The following FAM117B variants were observed in gnomAD, a reference collection of about 807,000 sequenced individuals.
FAM117B encodes family with sequence similarity 117 member B.
In FAM117B, 22 loss-of-function variants were observed where a neutral mutation model predicts 52.8. The ratio of observed to expected loss-of-function variants is 0.42; its 90% CI spans 0.30 to 0.59. The LOEUF (loss-of-function observed/expected upper bound fraction) is 0.59, where lower values mean the gene tolerates loss of function less well. FAM117B is among the 20% of genes least tolerant of loss of function. The pLI is 0.22. For synonymous variants in FAM117B, 309 were observed against 324.1 expected, an observed-to-expected ratio of 0.95 and a Z score of 0.50; for missense variants, 678 against 802.6, an observed-to-expected ratio of 0.84 and a Z score of 1.88.
At chr2:202,668,135 T>C (rs924317954) in intron 1 of FAM117B, among the ~76,000 whole-genome samples, 3 of 140,416 alleles carry the variant, frequency 2.1e-5, no homozygotes, top group African/African-American at 8.5e-5. Flanking sequence ...ATATATATTT[T>C]ATAAAAATAT....
intron 6 of FAM117B, among the ~76,000 whole-genome samples, chr2:202,758,865 T>G (rs576432022): frequency 1.6e-4 from 24 of 152,276 alleles, no homozygotes; most frequent in African/African-American, 4.3e-4. Flanking sequence ...AACTGAGAAA[T>G]TTTGAAGCAC....
At chr2:202,715,232 C>T (rs1280619975) in intron 2 of FAM117B, among the ~76,000 whole-genome samples, 10 of 142,632 alleles carry the variant, frequency 7.0e-5, no homozygotes, top group Middle Eastern at 4.0e-3. Context: ...CCCTCCCGGA[C>T]GGGGCGGCTG....
chr2:202,744,431 A>G (rs1229164564), intron 4 of FAM117B, among the ~76,000 whole-genome samples: 2 of 152,186 alleles, frequency 1.3e-5, no homozygotes, highest in Non-Finnish European at 2.9e-5. Context: ...GTATTAATCT[A>G]TTCATGAGAA....
At chr2:202,641,379 G>C (rs747556001) in intron 1 of FAM117B, among the ~76,000 whole-genome samples, 1 of 152,136 alleles carries the variant, frequency 6.6e-6, no homozygotes, top group Non-Finnish European at 1.5e-5. Flanking sequence ...AGGGAGAGAC[G>C]TAAGTTTTCA....
intron 2 of FAM117B, among the ~76,000 whole-genome samples, chr2:202,722,896 G>C (rs1481388989): frequency 6.6e-6 from 1 of 151,884 alleles, no homozygotes; most frequent in African/African-American, 2.4e-5. Context: ...TTTTGATTTT[G>C]GTTTTTGATT....
intron 7 of FAM117B, among the ~76,000 whole-genome samples, chr2:202,762,311 G>A (rs1395023925): frequency 6.6e-6 from 1 of 152,118 alleles, no homozygotes; most frequent in Non-Finnish European, 1.5e-5. Flanking sequence ...AAAATAGGTG[G>A]TTGGATTTGG....
In FAM117B at chr2:202,657,490, T is replaced by C. The variant is rs541406911; in HGVS notation, c.601+21702T>C. On this transcript the variant is annotated intron_variant, in intron 1 of 7. Transcript: ENST00000392238. ...TTATTGATATATTTGGATATAGGTG[T>C]GCTGTTTTTTTTTGGAGACAGGGTC... Among the ~76,000 whole-genome samples, 83 of 152,246 alleles carry C rather than the reference T, an allele frequency of 5.5e-4. 1 individual carries two copies. The highest frequency in any genetic ancestry group is 1.8e-3 in the African/African-American group (74 of 41,538).
intron 1 of FAM117B, among the ~76,000 whole-genome samples, chr2:202,643,342 T>C (rs1449758602): frequency 6.6e-6 from 1 of 152,056 alleles, no homozygotes; most frequent in African/African-American, 2.4e-5. Context: ...ATCCAGTACA[T>C]GGTAGAGTCT....
At position 202,716,626 on chromosome 2, in the gene FAM117B, T is replaced by C. The variant is rs192816328; in HGVS notation, c.754-8291T>C. 1.3e-3 allele frequency among the ~76,000 whole-genome samples: 202 copies of C among 152,296 alleles called. 1 individual carries two copies. Among genetic ancestry groups the C allele is most frequent in the Non-Finnish European group, 2.1e-4 (14 of 68,024 alleles). ...ACCCCATCTCTTTCTTTACCTCCCT[T>C]GTAAGGCCTATAACTATTCAGTTTG... On this transcript the variant is annotated intron_variant, in intron 2 of 7. Coordinates refer to ENST00000392238, the MANE Select transcript of FAM117B (RefSeq NM_173511.4).
chr2:202,759,478 A>G, intron 7 of FAM117B, 125 bp downstream of exon 7: 1 of 1,243,442 alleles, frequency 8.0e-7, no homozygotes, highest in Non-Finnish European at 1.1e-6. Flanking sequence ...TGCAACCTCT[A>G]CCTCCTTAGC....
chr2:202,734,665 C>T (rs1458157510), intron 4 of FAM117B, among the ~76,000 whole-genome samples: 1 of 152,124 alleles, frequency 6.6e-6, no homozygotes, highest in African/African-American at 2.4e-5. Context: ...AGTAATATTA[C>T]CTGTTCGTTG....
intron 4 of FAM117B, among the ~76,000 whole-genome samples, chr2:202,741,691 C>G (rs1691543020): frequency 6.6e-6 from 1 of 151,926 alleles, no homozygotes; most frequent in African/African-American, 2.4e-5. Context: ...CGCCCGCCAC[C>G]TCGCCTGACT....
intron 3 of FAM117B, chr2:202,725,299 C>CTTTTTTTTTT (rs11432596): frequency 1.3e-5 from 2 of 148,218 alleles, no homozygotes; most frequent in African/African-American, 2.7e-5. Context: ...CACATTTATT[C>CTTTTTTTTTT]TTTTTTTTTT....
chr2:202,750,202 AT>A (rs1480395887), intron 4 of FAM117B, among the ~76,000 whole-genome samples: 3 of 152,172 alleles, frequency 2.0e-5, no homozygotes, highest in Non-Finnish European at 4.4e-5. Context: ...TGCCTCCCCC[AT>A]ATGACCTAAT....
At chr2:202,711,255 A>C (rs1440554344) in intron 2 of FAM117B, among the ~76,000 whole-genome samples, 3 of 151,968 alleles carry the variant, frequency 2.0e-5, no homozygotes, top group Non-Finnish European at 4.4e-5. Context: ...AACCATTTTA[A>C]CTGGGGTGAG....
chr2:202,689,971 T>A (rs1289699773), intron 1 of FAM117B, among the ~76,000 whole-genome samples: 1 of 152,148 alleles, frequency 6.6e-6, no homozygotes, highest in Non-Finnish European at 1.5e-5. Flanking sequence ...AATCAAGTTC[T>A]AAAAATATTT....
At chr2:202,749,992 A>G (rs948855310) in intron 4 of FAM117B, among the ~76,000 whole-genome samples, 3 of 152,240 alleles carry the variant, frequency 2.0e-5, no homozygotes, top group Non-Finnish European at 4.4e-5. Flanking sequence ...TGCATAGACT[A>G]CGTGACTTTA....
chr2:202,744,710 C>G (rs192055784), intron 4 of FAM117B, among the ~76,000 whole-genome samples: 1 of 149,604 alleles, frequency 6.7e-6, no homozygotes, highest in East Asian at 2.0e-4. Flanking sequence ...TGGTGGCTCA[C>G]GCTTGTAAAT....
intron 7 of FAM117B, among the ~76,000 whole-genome samples, chr2:202,762,782 G>C (rs1434292947): frequency 6.6e-6 from 1 of 151,900 alleles, no homozygotes; most frequent in East Asian, 1.9e-4. Flanking sequence ...GTAATGACAG[G>C]AAGAAGAAGG....
Sources: gnomAD v4.1 joint callset for allele counts (sites outside exome capture counted in the v4.1 genomes callset) on GRCh38, gnomAD v4.1.1 for gene constraint, MANE v1.5 for transcripts, NCBI Gene and HGNC (gene_info 2026-07-23, HGNC 2026-07-21) for gene names.